Variants in PLPPR1 observed in about 807,000 individuals in gnomAD.
The protein encoded by PLPPR1 is phospholipid phosphatase related 1.
Under a neutral mutation model 33.1 loss-of-function variants are expected in PLPPR1, and 10 were observed. The ratio of observed to expected loss-of-function variants is 0.30; its 90% CI spans 0.19 to 0.51. PLPPR1 has a LOEUF of 0.51. PLPPR1 is among the 20% of genes least tolerant of loss of function. The probability of loss-of-function intolerance (pLI) is 0.97; values close to 1 mark genes in which losing one functional copy is unlikely to be tolerated. For synonymous variants in PLPPR1, 151 were observed against 151.0 expected (o/e 1.00, Z 0.00); for missense variants, 304 against 408.1 (o/e 0.74, Z 2.20).
chr9:101,041,309 A>G (rs770272295), intron 1 of PLPPR1, among the ~76,000 whole-genome samples: 2 of 152,186 alleles, frequency 1.3e-5, no homozygotes, highest in Non-Finnish European at 2.9e-5. Context: ...TGCAATTCAT[A>G]TGGAAGAAGA....
chr9:101,052,366 A>G (rs1373546944), intron 1 of PLPPR1, among the ~76,000 whole-genome samples: 1 of 152,166 alleles, frequency 6.6e-6, no homozygotes, highest in Non-Finnish European at 1.5e-5. Flanking sequence ...GAAGGAGTAG[A>G]GCTATGGTGT....
Position 101,246,055 on chromosome 9 carries a change from A to AATATAT in PLPPR1, c.64-23775_64-23770dup, listed in dbSNP as rs58070017. Among the ~76,000 whole-genome samples, 23 of 85,650 alleles carry AATATAT rather than the reference A, an allele frequency of 2.7e-4. 1 individual carries two copies. The highest frequency in any genetic ancestry group is 7.8e-4 in the East Asian group (2 of 2,556). The allele number at this position is 85,650 out of a possible 152,430, so 56.2% of individuals were successfully genotyped here. On this transcript the variant is annotated intron_variant, in intron 2 of 7. Coordinates refer to ENST00000374874, the MANE Select transcript of PLPPR1 (RefSeq NM_207299.2). The stretch of plus-strand genomic sequence containing the variant: ...CATATACCTCTCAAAATTGAATATG[A>AATATAT]ATATATATATATATATATATATATA...
At chr9:101,111,994 T>A (rs1831063005) in intron 1 of PLPPR1, among the ~76,000 whole-genome samples, 1 of 152,190 alleles carries the variant, frequency 6.6e-6, no homozygotes, top group Non-Finnish European at 1.5e-5. Flanking sequence ...AACCACATAA[T>A]GTGCTTTATT....
intron 2 of PLPPR1, among the ~76,000 whole-genome samples, chr9:101,258,677 T>G (rs1827843571): frequency 6.6e-6 from 1 of 152,268 alleles, no homozygotes; most frequent in South Asian, 2.1e-4. Flanking sequence ...CTCTCACCAC[T>G]GTCACTTTCT....
intron 2 of PLPPR1, among the ~76,000 whole-genome samples, chr9:101,211,062 C>T (rs372293493): frequency 1.4e-4 from 22 of 152,262 alleles, no homozygotes; most frequent in African/African-American, 4.3e-4. Flanking sequence ...CCACCGCCCC[C>T]GGCCTATAAT....
chr9:101,313,663 C>T (rs146507305), intron 6 of PLPPR1, among the ~76,000 whole-genome samples: 1 of 152,234 alleles, frequency 6.6e-6, no homozygotes, highest in Non-Finnish European at 1.5e-5. Context: ...ACCTGCTCAC[C>T]TAGGAAATCC....
intron 1 of PLPPR1, among the ~76,000 whole-genome samples, chr9:101,100,180 C>T (rs544808614): frequency 6.6e-6 from 1 of 151,832 alleles, no homozygotes; most frequent in East Asian, 1.9e-4. Flanking sequence ...GGGTCCCTAA[C>T]TAAATTTAGA....
chr9:101,110,178 C>T (rs745496658), intron 1 of PLPPR1, among the ~76,000 whole-genome samples: 1 of 152,148 alleles, frequency 6.6e-6, no homozygotes, highest in Non-Finnish European at 1.5e-5. Flanking sequence ...TTTCACCAGG[C>T]TTCAGAATTC....
chr9:101,205,509 G>A (rs1439757441), intron 2 of PLPPR1, among the ~76,000 whole-genome samples: 1 of 152,078 alleles, frequency 6.6e-6, no homozygotes. Context: ...GGTATGAGAT[G>A]TTCATCTGAA....
At chr9:101,213,629 C>T (rs57966478) in intron 2 of PLPPR1, among the ~76,000 whole-genome samples, 4 of 152,072 alleles carry the variant, frequency 2.6e-5, no homozygotes, top group African/African-American at 9.7e-5. Context: ...TATATCTTAG[C>T]ATTTTGTTTA....
intron 7 of PLPPR1, 22 bp from the exon 8 acceptor site, chr9:101,324,003 T>C: frequency 6.2e-7 from 1 of 1,610,576 alleles, no homozygotes; most frequent in Non-Finnish European, 8.5e-7. Context: ...TCAGATTTTA[T>C]CTGCTTGTGT....
intron 1 of PLPPR1, among the ~76,000 whole-genome samples, chr9:101,172,608 A>G (rs1825959527): frequency 6.6e-6 from 1 of 152,036 alleles, no homozygotes; most frequent in African/African-American, 2.4e-5. Context: ...GTTTCCACCC[A>G]TGCATGTGCT....
At chr9:101,309,034 C>T (rs964223783) in intron 4 of PLPPR1, among the ~76,000 whole-genome samples, 177 bp from the exon 5 acceptor site, 6 of 152,136 alleles carry the variant, frequency 3.9e-5, no homozygotes, top group Non-Finnish European at 1.5e-5. Flanking sequence ...ATGTCTACAT[C>T]AATTTGGAAG....
intron 3 of PLPPR1, 57 bp downstream of exon 3, chr9:101,270,125 T>C: frequency 6.4e-7 from 1 of 1,557,280 alleles, no homozygotes; most frequent in Admixed American, 1.7e-5. Flanking sequence ...ATATTTTCTG[T>C]CTGCTTTTTC....
At chr9:101,256,670 A>G (rs1273864057) in intron 2 of PLPPR1, among the ~76,000 whole-genome samples, 1 of 152,102 alleles carries the variant, frequency 6.6e-6, no homozygotes, top group African/African-American at 2.4e-5. Flanking sequence ...ACATATGCAT[A>G]ATAGTGAATA....
At chr9:101,206,751 C>T (rs1284047941) in intron 2 of PLPPR1, among the ~76,000 whole-genome samples, 1 of 152,126 alleles carries the variant, frequency 6.6e-6, no homozygotes, top group Non-Finnish European at 1.5e-5. Flanking sequence ...ATTATATTTT[C>T]CCTGTAACTA....
intron 2 of PLPPR1, among the ~76,000 whole-genome samples, chr9:101,235,152 G>A (rs1201019382): frequency 6.6e-6 from 1 of 151,770 alleles, no homozygotes; most frequent in Non-Finnish European, 1.5e-5. Flanking sequence ...TGTGTCTAAG[G>A]TAAACAAGTG....
At position 101,200,660 on chromosome 9, in the gene PLPPR1, G is replaced by A. The variant is rs1021237078; in HGVS notation, c.63+15103G>A. 6.2e-4 allele frequency among the ~76,000 whole-genome samples: 94 copies of A among 152,100 alleles called. 3 individuals carry two copies. The highest frequency in any genetic ancestry group is 6.2e-3 in the Admixed American group (94 of 15,262). On this transcript the variant is annotated intron_variant, in intron 2 of 7. Transcript: ENST00000374874. ...TCATGTTGTATGCCATTATTTCTGT[G>A]TAGGTCCCCATCCTTCTGTGAAATT...
At chr9:101,229,615 T>G (rs890212656) in intron 2 of PLPPR1, among the ~76,000 whole-genome samples, 1 of 152,144 alleles carries the variant, frequency 6.6e-6, no homozygotes, top group Non-Finnish European at 1.5e-5. Context: ...AAAGGGCATT[T>G]AAAATACTCT....
Sources: gnomAD v4.1 joint callset for allele counts (sites outside exome capture counted in the v4.1 genomes callset) on GRCh38, gnomAD v4.1.1 for gene constraint, MANE v1.5 for transcripts, NCBI Gene and HGNC (gene_info 2026-07-23, HGNC 2026-07-21) for gene names.